DCP1A: variants seen among roughly 807,000 people sequenced by gnomAD.
The protein encoded by DCP1A is decapping mRNA 1A.
DCP1A carries 20 observed loss-of-function variants against 58.0 expected under a neutral mutation model. The observed-to-expected ratio is 0.34, with a 90% CI of 0.24 to 0.50. The LOEUF is 0.50. DCP1A is among the 20% of genes least tolerant of loss of function. The pLI, the probability that DCP1A is intolerant of heterozygous loss-of-function variation, is 0.98. For synonymous variants in DCP1A, 285 were observed against 275.1 expected, an observed-to-expected ratio of 1.04 and a Z score of -0.36; for missense variants, 613 against 712.2, an observed-to-expected ratio of 0.86 and a Z score of 1.59.
intron 3 of DCP1A, among the ~76,000 whole-genome samples, chr3:53,336,094 C>T (rs1215790327): frequency 6.7e-6 from 1 of 149,186 alleles, no homozygotes; most frequent in African/African-American, 2.5e-5. Context: ...GCCACTGTGC[C>T]TGGCAGCATT....
At chr3:53,331,898 G>A (rs139304980) in intron 3 of DCP1A, among the ~76,000 whole-genome samples, 3 of 152,314 alleles carry the variant, frequency 2.0e-5, no homozygotes, top group Non-Finnish European at 2.9e-5. Flanking sequence ...AGTATTACTC[G>A]GTGAGGTGTG....
At chr3:53,299,118 C>T (rs960677798) in intron 6 of DCP1A, among the ~76,000 whole-genome samples, 8 of 152,180 alleles carry the variant, frequency 5.3e-5, no homozygotes, top group African/African-American at 1.2e-4. Context: ...TTAAATGACA[C>T]ATGATTATAC....
At position 53,283,883 on chromosome 3, in the gene DCP1A, A is replaced by G. The variant is rs1706525290; in HGVS notation, c.*3697T>C. On this transcript the variant is annotated 3_prime_UTR_variant, in exon 10 of 10. Coordinates refer to ENST00000610213, the MANE Select transcript of DCP1A (RefSeq NM_018403.7). ...CAAAACGGAGGGAATCACTGCACAC[A>G]TCTGTTGAATTTGCTGAAAAACAGG... 6.6e-6 allele frequency: 1 copy of G among 152,214 alleles called. No individual in the cohort carries two copies. Among genetic ancestry groups the G allele is most frequent in the South Asian group, 2.1e-4 (1 of 4,836 alleles). The allele number at this position is 152,214 out of a possible 1,614,324, so 9.4% of individuals were successfully genotyped here.
chr3:53,326,981 C>CCA (rs527725813), intron 3 of DCP1A, among the ~76,000 whole-genome samples: 1,790 of 150,350 alleles, frequency 0.012, 44 homozygotes, highest in African/African-American at 0.042. Flanking sequence ...GTCCAACCCC[C>CCA]CCCCCCCAAC....
At chr3:53,325,302 C>A (rs1708077878) in intron 3 of DCP1A, among the ~76,000 whole-genome samples, 1 of 152,188 alleles carries the variant, frequency 6.6e-6, no homozygotes, top group Non-Finnish European at 1.5e-5. Flanking sequence ...CTGGGAATCA[C>A]TCTCATACAT....
At chr3:53,303,361 G>A (rs1370528447) in intron 6 of DCP1A, among the ~76,000 whole-genome samples, 2 of 152,146 alleles carry the variant, frequency 1.3e-5, no homozygotes, top group African/African-American at 4.8e-5. Flanking sequence ...CTGCCTCCAG[G>A]GTTCAAGCCA....
chr3:53,312,492 C>CTTAT, intron 4 of DCP1A, 113 bp from the exon 5 acceptor site: 1 of 640,172 alleles, frequency 1.6e-6, no homozygotes, highest in Non-Finnish European at 2.3e-6. Context: ...TGATGACATT[C>CTTAT]TTCTTTTTTT....
At position 53,288,802 on chromosome 3, in the gene DCP1A, C is replaced by T. The variant is rs114878828; in HGVS notation, c.1450-519G>A. 4.3e-3 allele frequency among the ~76,000 whole-genome samples: 653 copies of T among 152,074 alleles called. 6 individuals carry two copies. Among genetic ancestry groups the T allele is most frequent in the African/African-American group, 0.015 (616 of 41,486 alleles). Reference sequence around the variant, plus strand: ...CTATAATCCCAGCACTCTGGGAGGCCGAGGTGGGGTTCGAGACCAGCCTGG... The same window carrying T: ...CTATAATCCCAGCACTCTGGGAGGCTGAGGTGGGGTTCGAGACCAGCCTGG... On this transcript the variant is annotated intron_variant, in intron 8 of 9. Transcript: ENST00000610213.
intron 5 of DCP1A, 75 bp downstream of exon 5, chr3:53,312,166 A>G: frequency 6.8e-7 from 1 of 1,467,106 alleles, no homozygotes; most frequent in Non-Finnish European, 9.1e-7. Flanking sequence ...TTCCCTAGTA[A>G]AATAGTCTCC....
At position 53,318,052 on chromosome 3, in the gene DCP1A, C is replaced by T. The variant is rs565531346; in HGVS notation, c.371+1355G>A. 9.2e-5 allele frequency among the ~76,000 whole-genome samples: 14 copies of T among 152,302 alleles called. No homozygotes were observed. In the East Asian group the frequency reaches 2.7e-3, roughly 29 times the overall value. ...GGCATGGTGGCTCACGCCTATAATC[C>T]CAGCACTTTGGGAGGCCAAGGTGGG... On this transcript the variant is annotated intron_variant, in intron 4 of 9. Transcript: ENST00000610213.
In DCP1A at chr3:53,292,049, C is replaced by T. The variant is rs782125157; in HGVS notation, c.1383+20G>A. ...AGTTACAGTTACCCACTCTGCCCAC[C>T]CCCACCCTCCTGCCATTACCTGAAG... On this transcript the variant is annotated intron_variant, in intron 7 of 9. Coordinates refer to ENST00000610213, the MANE Select transcript of DCP1A (RefSeq NM_018403.7). 1 of 1,591,288 alleles carries T rather than the reference C, an allele frequency of 6.3e-7. No individual in the cohort carries two copies. Among genetic ancestry groups the T allele is most frequent in the South Asian group, 1.1e-5 (1 of 89,064 alleles).
At chr3:53,305,550 A>G (rs1448317481) in intron 5 of DCP1A, among the ~76,000 whole-genome samples, 1 of 151,968 alleles carries the variant, frequency 6.6e-6, no homozygotes, top group Non-Finnish European at 1.5e-5. Context: ...GGGTTTCACC[A>G]TGTTGGCCAG....
chr3:53,322,000 A>C lies in DCP1A; in HGVS notation c.305-2527T>G, dbSNP rs185365109. Among the ~76,000 whole-genome samples the C allele has an allele frequency of 8.5e-5, 13 of 152,316 alleles. No homozygotes were observed. The East Asian group carries it at 2.3e-3, about 27-fold the overall frequency. On this transcript the variant is annotated intron_variant, in intron 3 of 9. Transcript: ENST00000610213. ...ACAAGAGATTTTAAATAAATCAAAA[A>C]ATCATTTTTATAACTATTATTTGAA...
At chr3:53,334,473 G>C (rs1311181037) in intron 3 of DCP1A, among the ~76,000 whole-genome samples, 1 of 150,968 alleles carries the variant, frequency 6.6e-6, no homozygotes, top group Non-Finnish European at 1.5e-5. Flanking sequence ...GGTTTTTATT[G>C]GTTTGAAAGT....
intron 4 of DCP1A, among the ~76,000 whole-genome samples, chr3:53,312,658 C>T (rs1473911136): frequency 7.9e-5 from 12 of 152,024 alleles, no homozygotes; most frequent in African/African-American, 2.7e-4. Flanking sequence ...CCACACCCGG[C>T]TAATGTTTTG....
At chr3:53,315,959 T>C (rs1184359837) in intron 4 of DCP1A, among the ~76,000 whole-genome samples, 2 of 152,100 alleles carry the variant, frequency 1.3e-5, no homozygotes, top group Admixed American at 1.3e-4. Context: ...TTTCACCATA[T>C]TGGCCAGGAT....
chr3:53,342,293 A>C (rs1553692617), intron 2 of DCP1A, 22 bp from the exon 3 acceptor site: 1 of 1,535,114 alleles, frequency 6.5e-7, no homozygotes, highest in South Asian at 1.2e-5. Context: ...TAGAAGAAAA[A>C]AAAATATGTA....
Position 53,292,854 on chromosome 3 carries a change from CAA to C in DCP1A, c.625-29_625-28del, listed in dbSNP as rs781946436. On this transcript the variant is annotated intron_variant, in intron 6 of 9. Transcript: ENST00000610213. ...TGAAAAACAAATGAAACCACCCAGT[CAA>C]AGAGGTCTGTTATAAATCAGCATAA... 9 of 1,580,580 alleles carry C rather than the reference CAA, an allele frequency of 5.7e-6. No homozygotes were observed. The South Asian group carries it at 9.1e-5, about 16-fold the overall frequency.
Position 53,347,489 on chromosome 3 carries a change from T to G in DCP1A, c.29A>C (p.Glu10Ala). The G allele has an allele frequency of 1.9e-6, 3 of 1,613,196 alleles. No individual in the cohort carries two copies. Among genetic ancestry groups the G allele is most frequent in the Non-Finnish European group, 2.5e-6 (3 of 1,179,432 alleles). ...TTGCTTCAGGGCCGCTAGGCTCATC[T>G]CCTGCCCAGCTCGACTCAGCGCCTC... MEALSRAGQ[E>A]MSLAALKQHD... The change falls in exon 1 of 10, where the codon GAG becomes GCG. Residue 10 changes from glutamate to alanine, a missense_variant. By Grantham distance (107) the Glu-to-Ala change is moderately radical. Transcript: ENST00000610213.
Sources: allele counts gnomAD v4.1 joint callset (sites outside exome capture counted in the v4.1 genomes callset), GRCh38; gene constraint gnomAD v4.1.1; transcripts MANE v1.5; gene names NCBI Gene and HGNC (gene_info 2026-07-23, HGNC 2026-07-21).